CCDC73: variants seen among roughly 807,000 people sequenced by gnomAD.
CCDC73 encodes coiled-coil domain-containing protein 73.
CCDC73 carries 95 observed loss-of-function variants against 116.5 expected under a neutral mutation model. That is an observed-to-expected ratio of 0.82 (90% confidence interval 0.69 to 0.97). CCDC73 has a LOEUF of 0.97. CCDC73 is among the 50% of genes least tolerant of loss of function. The pLI, the probability that CCDC73 is intolerant of heterozygous loss-of-function variation, is 0.00. For synonymous variants in CCDC73, 398 were observed against 401.3 expected (o/e 0.99, Z 0.10); for missense variants, 1,066 against 1,206.8 (o/e 0.88, Z 1.73).
chr11:32,626,674 A>G (rs1018552977), intron 14 of CCDC73, among the ~76,000 whole-genome samples: 12 of 152,196 alleles, frequency 7.9e-5, no homozygotes, highest in African/African-American at 2.4e-4. Context: ...ATAATGCCAC[A>G]TATCTACAAC....
At position 32,614,018 on chromosome 11, in the gene CCDC73, A is replaced by G. The variant is rs779367830; in HGVS notation, c.2300T>C (p.Leu767Ser). The G allele has an allele frequency of 1.9e-6, 3 of 1,611,838 alleles. No individual in the cohort carries two copies. The Admixed American group carries it at 5.0e-5, about 27-fold the overall frequency. Residue 767 changes from leucine to serine, a missense_variant, in exon 16 of 18, where the codon TTA (leucine) becomes TCA (serine). By Grantham distance (145) the Leu-to-Ser change is moderately radical. Transcript: ENST00000335185. ...GGAAATGTTCACATTAGTGTTTTCTAAGTATCCCAAACAGTTATTAAATTG... is the reference window on the plus strand; with the variant it reads ...GGAAATGTTCACATTAGTGTTTTCTGAGTATCCCAAACAGTTATTAAATTG... ...NSQFNNCLGY[L>S]ENTNVNISHL...
intron 14 of CCDC73, among the ~76,000 whole-genome samples, chr11:32,630,943 A>T (rs922090949): frequency 6.6e-6 from 1 of 152,210 alleles, no homozygotes; most frequent in Non-Finnish European, 1.5e-5. Context: ...CAGACAAAAC[A>T]CACCTTAAGA....
intron 1 of CCDC73, among the ~76,000 whole-genome samples, chr11:32,780,697 T>C (rs1218136796): frequency 6.6e-6 from 1 of 152,236 alleles, no homozygotes; most frequent in Non-Finnish European, 1.5e-5. Flanking sequence ...CTAATGTTTG[T>C]TGAGCACTTA....
intron 1 of CCDC73, among the ~76,000 whole-genome samples, chr11:32,791,191 C>T (rs2133407436): frequency 6.6e-6 from 1 of 152,290 alleles, no homozygotes; most frequent in East Asian, 1.9e-4. Context: ...TGATGTGTTT[C>T]TCTGTCATGT....
intron 5 of CCDC73, among the ~76,000 whole-genome samples, chr11:32,699,638 A>C (rs1332081655): frequency 6.6e-6 from 1 of 152,070 alleles, no homozygotes; most frequent in Non-Finnish European, 1.5e-5. Context: ...AGGACAAAAA[A>C]CCAAACACCA....
intron 9 of CCDC73, among the ~76,000 whole-genome samples, chr11:32,661,839 C>T (rs1482758977): frequency 2.6e-5 from 4 of 151,958 alleles, no homozygotes; most frequent in African/African-American, 7.3e-5. Flanking sequence ...CCCCTCTCCC[C>T]CGACCCCACA....
intron 11 of CCDC73, 80 bp from the exon 12 acceptor site, chr11:32,653,307 T>C: frequency 1.2e-6 from 1 of 863,346 alleles, no homozygotes; most frequent in Admixed American, 2.3e-5. Flanking sequence ...ATACATTTTC[T>C]AGTTTCCTAA....
chr11:32,692,005 G>A (rs1016331190), intron 6 of CCDC73, among the ~76,000 whole-genome samples: 37 of 134,054 alleles, frequency 2.8e-4, no homozygotes, highest in Non-Finnish European at 4.5e-4. Flanking sequence ...CCAAGATAGC[G>A]CCACTGCACT....
intron 7 of CCDC73, among the ~76,000 whole-genome samples, chr11:32,678,111 T>G (rs1303464458): frequency 6.6e-6 from 1 of 151,832 alleles, no homozygotes; most frequent in Non-Finnish European, 1.5e-5. Context: ...AAACCCTGTC[T>G]CTACTAAAAA....
chr11:32,648,936 G>C (rs1245518708), intron 12 of CCDC73, among the ~76,000 whole-genome samples: 1 of 152,082 alleles, frequency 6.6e-6, no homozygotes, highest in Non-Finnish European at 1.5e-5. Flanking sequence ...ATTATTTGGG[G>C]TATTTTTGCA....
At chr11:32,641,376 T>C (rs1266056122) in intron 13 of CCDC73, among the ~76,000 whole-genome samples, 1 of 152,084 alleles carries the variant, frequency 6.6e-6, no homozygotes, top group Non-Finnish European at 1.5e-5. Flanking sequence ...TTTCACCTCA[T>C]CTTACACTAT....
chr11:32,669,935 A>C (rs1448895862), intron 9 of CCDC73, among the ~76,000 whole-genome samples: 1 of 152,202 alleles, frequency 6.6e-6, no homozygotes, highest in Non-Finnish European at 1.5e-5. Flanking sequence ...GGGAGTGCAG[A>C]TATCTCTTCA....
At chr11:32,823,103 A>G in the CCDC73 span, among the ~76,000 whole-genome samples, 8 of 152,084 alleles carry the variant, frequency 5.3e-5, no homozygotes, top group Non-Finnish European at 1.2e-4. Context: ...CCTCATCTCT[A>G]AAAAAAGAAA....
At position 32,614,893 on chromosome 11, in the gene CCDC73, A is replaced by G. The variant is rs1450351395; in HGVS notation, c.1425T>C (p.Val475=). 6.2e-7 allele frequency: 1 copy of G among 1,611,082 alleles called. No individual in the cohort carries two copies. The highest frequency in any genetic ancestry group is 8.5e-7 in the Non-Finnish European group (1 of 1,179,178). Residue 475 remains valine (V), a synonymous_variant, in exon 16 of 18, where the codon GTT becomes GTC. Transcript: ENST00000335185. ...KSFKNEIDTV[V]SQDENQSEIS... ...TTTCACTTTGATTTTCATCCTGAGAAACAACAGTATCAATTTCATTCTTGA... is the reference window on the plus strand; with the variant it reads ...TTTCACTTTGATTTTCATCCTGAGAGACAACAGTATCAATTTCATTCTTGA...
In CCDC73 at chr11:32,744,624, G is replaced by T. The variant is rs559466240; in HGVS notation, c.135+15485C>A. Among the ~76,000 whole-genome samples the T allele has an allele frequency of 1.6e-4, 25 of 152,110 alleles. No homozygotes were observed. In the South Asian group the frequency reaches 5.0e-3, roughly 30 times the overall value. On this transcript the variant is annotated intron_variant, in intron 2 of 17. Transcript: ENST00000335185. ...CTATTCAGAGATCAACTTCTTCCTGGTTTAGTCTTGGAAGGGTGTATGTGT... is the reference window on the plus strand; with the variant it reads ...CTATTCAGAGATCAACTTCTTCCTGTTTTAGTCTTGGAAGGGTGTATGTGT...
At chr11:32,655,109 A>T in intron 9 of CCDC73, 137 bp from the exon 10 acceptor site, 1 of 88,852 alleles carries the variant, frequency 1.1e-5, no homozygotes, top group South Asian at 2.0e-4. Flanking sequence ...TTCCCTTGCA[A>T]GATTAGCCAA....
chr11:32,809,858 G>A, the CCDC73 span, among the ~76,000 whole-genome samples: 98 of 152,208 alleles, frequency 6.4e-4, no homozygotes, highest in African/African-American at 2.1e-3. Context: ...TTTAATATCT[G>A]CTTACCATCC....
intron 2 of CCDC73, among the ~76,000 whole-genome samples, chr11:32,732,777 A>G (rs184542568): frequency 1.3e-5 from 2 of 152,328 alleles, no homozygotes; most frequent in Middle Eastern, 3.4e-3. Context: ...AGCACTAAAC[A>G]TGGAAAGGAA....
intron 12 of CCDC73, among the ~76,000 whole-genome samples, chr11:32,642,291 A>C (rs1278329799): frequency 6.6e-6 from 1 of 152,028 alleles, no homozygotes; most frequent in Non-Finnish European, 1.5e-5. Context: ...TTGATAAAGA[A>C]ATGGCTATAA....
Sources: allele counts gnomAD v4.1 joint callset (sites outside exome capture counted in the v4.1 genomes callset), GRCh38; gene constraint gnomAD v4.1.1; transcripts MANE v1.5; gene names NCBI Gene and HGNC (gene_info 2026-07-23, HGNC 2026-07-21).